CAPZB: variants seen among roughly 807,000 people sequenced by gnomAD.
The protein encoded by CAPZB is F-actin-capping protein subunit beta.
Under a neutral mutation model 38.1 loss-of-function variants are expected in CAPZB, and 2 were observed. That is an observed-to-expected ratio of 0.05 (90% CI 0.02 to 0.17). CAPZB has a LOEUF of 0.17. CAPZB is among the 10% of genes least tolerant of loss of function. The pLI is 1.00. For missense variants in CAPZB, 161 were observed against 334.2 expected (o/e 0.48, Z 4.04); for synonymous variants, 107 against 127.4 (o/e 0.84, Z 1.08).
chr1:19,425,449 A>G (rs1558250257), intron 1 of CAPZB, among the ~76,000 whole-genome samples: 1 of 152,196 alleles, frequency 6.6e-6, no homozygotes, highest in East Asian at 1.9e-4. Flanking sequence ...CAGTGTGGAA[A>G]AAAAAAATCA....
chr1:19,343,666 C>G (rs1467549803), intron 8 of CAPZB, among the ~76,000 whole-genome samples: 1 of 152,256 alleles, frequency 6.6e-6, no homozygotes, highest in East Asian at 1.9e-4. Flanking sequence ...CTGCCCCCAG[C>G]TGGGCTCTGG....
chr1:19,480,107 T>C (rs932047375), intron 1 of CAPZB, among the ~76,000 whole-genome samples: 1 of 152,098 alleles, frequency 6.6e-6, no homozygotes, highest in East Asian at 1.9e-4. Context: ...ACAGCACCCA[T>C]GGGTCCCTGG....
chr1:19,450,467 G>T (rs2094512441), intron 1 of CAPZB, among the ~76,000 whole-genome samples: 1 of 152,190 alleles, frequency 6.6e-6, no homozygotes. Context: ...TACTCAGCCT[G>T]TAAGAGTGTG....
intron 2 of CAPZB, among the ~76,000 whole-genome samples, chr1:19,401,792 T>A (rs1469629672): frequency 6.6e-6 from 1 of 152,208 alleles, no homozygotes; most frequent in Admixed American, 6.5e-5. Flanking sequence ...GGCCTACACA[T>A]AGGCTGACGA....
chr1:19,373,149 G>A (rs902005540), intron 4 of CAPZB, among the ~76,000 whole-genome samples: 2 of 152,150 alleles, frequency 1.3e-5, no homozygotes, highest in African/African-American at 4.8e-5. Flanking sequence ...GGACCTGGAC[G>A]TGAGAATGCC....
intron 1 of CAPZB, chr1:19,424,727 AG>A (rs2094415935): frequency 2.0e-5 from 3 of 152,344 alleles, no homozygotes; most frequent in Non-Finnish European, 4.4e-5. Context: ...GATTTGGCCC[AG>A]ATGAACTCTA....
chr1:19,476,989 G>A (rs892909105), intron 1 of CAPZB, among the ~76,000 whole-genome samples: 3 of 152,204 alleles, frequency 2.0e-5, no homozygotes, highest in African/African-American at 7.2e-5. Context: ...TTAACTAGCT[G>A]GGGGCCCTTC....
chr1:19,375,093 T>C (rs893502128), intron 4 of CAPZB, among the ~76,000 whole-genome samples: 5 of 152,200 alleles, frequency 3.3e-5, no homozygotes, highest in Admixed American at 6.5e-5. Flanking sequence ...TGGTCACTTA[T>C]GTGGCCACCA....
At chr1:19,348,988 G>T (rs911764203) in intron 6 of CAPZB, among the ~76,000 whole-genome samples, 1 of 152,232 alleles carries the variant, frequency 6.6e-6, no homozygotes, top group Non-Finnish European at 1.5e-5. Flanking sequence ...GACCCCAGGG[G>T]GTCTCCATAA....
chr1:19,442,017 A>C (rs1434717226), intron 1 of CAPZB, among the ~76,000 whole-genome samples: 3 of 151,338 alleles, frequency 2.0e-5, no homozygotes, highest in Non-Finnish European at 4.4e-5. Flanking sequence ...TCCAAAAAAA[A>C]AAAAAAAAAA....
chr1:19,378,400 C>G (rs1322827071), intron 4 of CAPZB, 140 bp downstream of exon 4: 5 of 635,812 alleles, frequency 7.9e-6, no homozygotes, highest in Admixed American at 2.4e-5. Context: ...GTAACAGATT[C>G]AAGGGAGAAT....
intron 1 of CAPZB, among the ~76,000 whole-genome samples, chr1:19,427,365 G>A (rs571124338): frequency 2.6e-5 from 4 of 152,264 alleles, no homozygotes; most frequent in Admixed American, 6.5e-5. Flanking sequence ...TTACATTCCC[G>A]AGAGGCTTAG....
At chr1:19,391,685 C>T (rs1270036693) in intron 2 of CAPZB, among the ~76,000 whole-genome samples, 1 of 152,236 alleles carries the variant, frequency 6.6e-6, no homozygotes, top group Non-Finnish European at 1.5e-5. Flanking sequence ...AATCCTCGGT[C>T]AGTCACTTGC....
intron 3 of CAPZB, among the ~76,000 whole-genome samples, chr1:19,379,443 CCT>C (rs2094162167): frequency 6.6e-6 from 1 of 152,182 alleles, no homozygotes; most frequent in African/African-American, 2.4e-5. Context: ...CTCTCTCCTC[CCT>C]GATTTGCTGG....
At chr1:19,431,070 T>C (rs1477413405) in intron 1 of CAPZB, among the ~76,000 whole-genome samples, 1 of 152,160 alleles carries the variant, frequency 6.6e-6, no homozygotes, top group Non-Finnish European at 1.5e-5. Flanking sequence ...CGGTGGAAAA[T>C]TGAGGCCTGG....
intron 1 of CAPZB, among the ~76,000 whole-genome samples, chr1:19,438,094 G>GGAGGGGACCGGGCACATGGTTCC (rs2094463860): frequency 1.3e-5 from 2 of 152,162 alleles, no homozygotes; most frequent in African/African-American, 4.8e-5. Flanking sequence ...CTACGTCAGG[G>GGAGGGGACCGGGCACATGGTTCC]GAGGGGACCG....
At chr1:19,475,998 C>T (rs1222765202) in intron 1 of CAPZB, among the ~76,000 whole-genome samples, 2 of 152,130 alleles carry the variant, frequency 1.3e-5, no homozygotes, top group South Asian at 2.1e-4. Flanking sequence ...GTAACCAACT[C>T]GATCTGCCTG....
At chr1:19,396,384 G>A (rs1173426815) in intron 2 of CAPZB, among the ~76,000 whole-genome samples, 2 of 152,162 alleles carry the variant, frequency 1.3e-5, no homozygotes, top group Non-Finnish European at 2.9e-5. Flanking sequence ...ACTATTCTTC[G>A]GTGAGTGGGA....
At position 19,339,504 on chromosome 1, in the gene CAPZB, G is replaced by A. The variant is rs561512191; in HGVS notation, c.*26C>T. 34 of 1,539,768 alleles carry A rather than the reference G, an allele frequency of 2.2e-5. No homozygotes were observed. The African/African-American group carries it at 3.1e-4, about 14-fold the overall frequency. ...GAAAGGAATCTAACGAGTGCACGGC[G>A]TGTCTGGTTAGCATGAAACAGAGGT... On this transcript the variant is annotated 3_prime_UTR_variant, in exon 9 of 9. Coordinates refer to ENST00000264202, the MANE Select transcript of CAPZB (RefSeq NM_004930.5).
Sources: gnomAD v4.1 joint callset for allele counts (sites outside exome capture counted in the v4.1 genomes callset) on GRCh38, gnomAD v4.1.1 for gene constraint, MANE v1.5 for transcripts, NCBI Gene and HGNC (gene_info 2026-07-23, HGNC 2026-07-21) for gene names.